RBFOX1: variants seen among roughly 807,000 people sequenced by gnomAD.
The protein encoded by RBFOX1 is RNA binding fox-1 homolog 1, also known as RNA binding protein fox-1 homolog 1.
In RBFOX1, 8 loss-of-function variants were observed where a neutral mutation model predicts 57.7. That is an observed-to-expected ratio of 0.14 (90% CI 0.08 to 0.25). The LOEUF is 0.25. Among genes scored for constraint, RBFOX1 ranks in the 10% least tolerant of loss-of-function variants. RBFOX1 has a pLI of 1.00. For synonymous variants in RBFOX1, 326 were observed against 222.4 expected (o/e 1.47, Z -4.15); for missense variants, 611 against 548.5 (o/e 1.11, Z -1.14).
chr16:6,691,371 C>T (rs761600999), intron 3 of RBFOX1, among the ~76,000 whole-genome samples: 5 of 152,186 alleles, frequency 3.3e-5, no homozygotes, highest in African/African-American at 1.2e-4. Flanking sequence ...CTTCACTCTT[C>T]TCTGTCCATT....
chr16:5,984,972 A>T lies in RBFOX1; in HGVS notation c.351+117637A>T, dbSNP rs1419200921. Among the ~76,000 whole-genome samples the T allele has an allele frequency of 6.7e-3, 373 of 55,664 alleles. 11 individuals are homozygous for T. Among genetic ancestry groups the T allele is most frequent in the Middle Eastern group, 0.028 (2 of 72 alleles). The allele number at this position is 55,664 out of a possible 152,430, so 36.5% of individuals were successfully genotyped here. The stretch of plus-strand genomic sequence containing the variant: ...TATATATATATATATATATATATAT[A>T]TATATTTTTTTTTTTTTTTTTTTTC... On this transcript the variant is annotated intron_variant, in intron 4 of 19. Coordinates refer to the RBFOX1 transcript ENST00000641259.
chr16:6,124,392 T>C (rs760586128), intron 1 of RBFOX1, among the ~76,000 whole-genome samples: 1 of 152,122 alleles, frequency 6.6e-6, no homozygotes, highest in Non-Finnish European at 1.5e-5. Context: ...TATTGTAGGA[T>C]TTGATTATTG....
intron 1 of RBFOX1, among the ~76,000 whole-genome samples, chr16:6,261,929 C>G (rs2097703915): frequency 1.3e-5 from 2 of 152,026 alleles, no homozygotes; most frequent in African/African-American, 4.8e-5. Flanking sequence ...ACTTGGGAGG[C>G]TGAGGCATGA....
At chr16:7,694,212 G>C (rs745672602) in intron 14 of RBFOX1, among the ~76,000 whole-genome samples, 1 of 152,194 alleles carries the variant, frequency 6.6e-6, no homozygotes, top group African/African-American at 2.4e-5. Context: ...CAGCCTGCGA[G>C]GGAGGACGTT....
At chr16:7,669,279 C>T (rs772477103) in intron 13 of RBFOX1, among the ~76,000 whole-genome samples, 1 of 148,334 alleles carries the variant, frequency 6.7e-6, no homozygotes, top group African/African-American at 2.6e-5. Flanking sequence ...TGAACCAAGA[C>T]ATCTGTTGGT....
At chr16:6,597,656 G>C (rs1167684714) in intron 2 of RBFOX1, among the ~76,000 whole-genome samples, 1 of 152,088 alleles carries the variant, frequency 6.6e-6, no homozygotes, top group Non-Finnish European at 1.5e-5. Context: ...CTTGGGTTGA[G>C]AGCAAGACTC....
chr16:7,703,912 T>C (rs2081567604), intron 14 of RBFOX1, among the ~76,000 whole-genome samples: 1 of 152,204 alleles, frequency 6.6e-6, no homozygotes, highest in South Asian at 2.1e-4. Flanking sequence ...TTCAATTGCC[T>C]CTGCAGACCA....
Position 5,425,777 on chromosome 16 carries a change from G to T in RBFOX1, c.220-41439G>T, listed in dbSNP as rs192283332. ...TGTCCTCAGGTTCCCACCTCTTCCA[G>T]ATCACCTGGAACCCCCCACGTCCCT... is the stretch of plus-strand genomic sequence containing the variant. On this transcript the variant is annotated intron_variant, in intron 1 of 2. Coordinates refer to the RBFOX1 transcript ENST00000585867. Among the ~76,000 whole-genome samples, 193 of 152,298 alleles carry T rather than the reference G, an allele frequency of 1.3e-3. 1 individual carries two copies. The highest frequency in any genetic ancestry group is 4.5e-3 in the African/African-American group (186 of 41,556).
intron 3 of RBFOX1, among the ~76,000 whole-genome samples, chr16:7,004,811 G>C (rs2093155679): frequency 6.6e-6 from 1 of 152,140 alleles, no homozygotes; most frequent in Non-Finnish European, 1.5e-5. Flanking sequence ...TCTATAAGTG[G>C]CTGGGTCAGC....
intron 3 of RBFOX1, chr16:6,704,774 C>G (rs1395196750): frequency 6.6e-6 from 1 of 152,128 alleles, no homozygotes; most frequent in Non-Finnish European, 1.5e-5. Context: ...GGAGAACCTT[C>G]CCAAGAACTG....
At chr16:6,166,102 A>G (rs1241481073) in intron 1 of RBFOX1, among the ~76,000 whole-genome samples, 1 of 152,196 alleles carries the variant, frequency 6.6e-6, no homozygotes, top group African/African-American at 2.4e-5. Flanking sequence ...TCGAATTGGT[A>G]AAAATAAATA....
At chr16:6,595,200 C>T (rs1488922711) in intron 2 of RBFOX1, among the ~76,000 whole-genome samples, 1 of 152,132 alleles carries the variant, frequency 6.6e-6, no homozygotes, top group East Asian at 1.9e-4. Context: ...CCCATTAGTA[C>T]TCACACCCTG....
intron 1 of RBFOX1, among the ~76,000 whole-genome samples, chr16:5,262,877 T>C (rs979335347): frequency 1.3e-5 from 2 of 151,922 alleles, no homozygotes; most frequent in Admixed American, 1.3e-4. Flanking sequence ...AGAAAAACAC[T>C]CACTCCATTG....
chr16:5,341,423 C>T (rs1283733121), intron 1 of RBFOX1, among the ~76,000 whole-genome samples: 2 of 151,994 alleles, frequency 1.3e-5, no homozygotes, highest in African/African-American at 2.4e-5. Context: ...GGTAGAATGT[C>T]GTGGCTATAA....
At chr16:5,991,626 T>G (rs955030079) in intron 4 of RBFOX1, among the ~76,000 whole-genome samples, 13 of 151,058 alleles carry the variant, frequency 8.6e-5, no homozygotes, top group Non-Finnish European at 1.9e-4. Flanking sequence ...TGCCATTTGG[T>G]TTGGGAAATT....
chr16:5,394,619 T>C (rs948215979), intron 1 of RBFOX1, among the ~76,000 whole-genome samples: 31 of 150,450 alleles, frequency 2.1e-4, no homozygotes, highest in African/African-American at 7.6e-4. Flanking sequence ...TGGAGTGTAG[T>C]GGTACAGTCA....
chr16:5,748,841 CT>C (rs2053084059), intron 3 of RBFOX1, among the ~76,000 whole-genome samples: 1 of 152,128 alleles, frequency 6.6e-6, no homozygotes, highest in Non-Finnish European at 1.5e-5. Context: ...CAGTCTGTGT[CT>C]TTTAATTGGA....
intron 2 of RBFOX1, among the ~76,000 whole-genome samples, chr16:6,348,891 A>G (rs1319222220): frequency 6.6e-6 from 1 of 152,180 alleles, no homozygotes; most frequent in Non-Finnish European, 1.5e-5. Context: ...ATGGCAACCC[A>G]GGAAAAGCAG....
intron 14 of RBFOX1, among the ~76,000 whole-genome samples, chr16:7,690,675 A>G (rs113548659): frequency 2.4e-4 from 2 of 8,190 alleles, no homozygotes; most frequent in Non-Finnish European, 4.3e-3. Flanking sequence ...TGATCTTTTA[A>G]TTTTTCTGAA....
Sources: allele counts gnomAD v4.1 joint callset (sites outside exome capture counted in the v4.1 genomes callset), GRCh38; gene constraint gnomAD v4.1.1; transcripts MANE v1.5; gene names NCBI Gene and HGNC (gene_info 2026-07-23, HGNC 2026-07-21).